MMP16: variants seen among roughly 807,000 people sequenced by gnomAD.
MMP16 encodes the protein matrix metallopeptidase 16, also known as matrix metalloproteinase-16.
In MMP16, 12 loss-of-function variants were observed where a neutral mutation model predicts 67.8. The ratio of observed to expected loss-of-function variants is 0.18; its 90% CI spans 0.11 to 0.29. The LOEUF (loss-of-function observed/expected upper bound fraction) is 0.29, where lower values mean the gene tolerates loss of function less well. Ranked by LOEUF, MMP16 falls within the 10% of genes least tolerant of loss-of-function variation. MMP16 has a pLI of 1.00. For synonymous variants in MMP16, 249 were observed against 255.9 expected (o/e 0.97, Z 0.26); for missense variants, 475 against 765.7 (o/e 0.62, Z 4.48).
At chr8:88,096,502 A>G (rs1286782374) in intron 6 of MMP16, among the ~76,000 whole-genome samples, 1 of 145,390 alleles carries the variant, frequency 6.9e-6, no homozygotes, top group African/African-American at 2.5e-5. Flanking sequence ...AAATTCTTCA[A>G]AGGATCACTG....
At chr8:88,063,299 T>C (rs917063793) in intron 7 of MMP16, among the ~76,000 whole-genome samples, 3 of 152,066 alleles carry the variant, frequency 2.0e-5, no homozygotes, top group African/African-American at 7.2e-5. Context: ...TGTCTGTTTA[T>C]TATGAGCCTA....
chr8:88,080,666 C>A (rs1808734153), intron 6 of MMP16, among the ~76,000 whole-genome samples: 1 of 152,086 alleles, frequency 6.6e-6, no homozygotes, highest in South Asian at 2.1e-4. Context: ...GAACTCCTGA[C>A]CTCAAGTGAT....
chr8:88,149,330 C>T (rs1391207950), intron 4 of MMP16, among the ~76,000 whole-genome samples: 2 of 152,146 alleles, frequency 1.3e-5, no homozygotes, highest in African/African-American at 2.4e-5. Flanking sequence ...ACAAAGCAGC[C>T]GGGAACCTCG....
chr8:88,044,958 A>G (rs1563516175), intron 9 of MMP16, among the ~76,000 whole-genome samples: 1 of 152,160 alleles, frequency 6.6e-6, no homozygotes, highest in East Asian at 1.9e-4. Flanking sequence ...TGACTTTATC[A>G]TGACTTCCTT....
chr8:88,302,379 T>A (rs1043944611), intron 1 of MMP16, among the ~76,000 whole-genome samples: 1 of 152,208 alleles, frequency 6.6e-6, no homozygotes, highest in Non-Finnish European at 1.5e-5. Flanking sequence ...CTCTTTGTTT[T>A]TCTCAGTCAC....
intron 1 of MMP16, among the ~76,000 whole-genome samples, chr8:88,262,846 C>CAAAAAAAAA (rs71277991): frequency 3.0e-4 from 16 of 53,470 alleles, no homozygotes; most frequent in East Asian, 9.3e-4. Flanking sequence ...ACTAAAAATA[C>CAAAAAAAAA]AAAAAAAAAA....
rs1811556097 is a variant in MMP16, at chr8:88,327,272, CTCCCTCGTT to C, written c.-75_-67del. 6.2e-7 allele frequency: 1 copy of C among 1,604,222 alleles called. No homozygotes were observed. Among genetic ancestry groups the C allele is most frequent in the African/African-American group, 1.3e-5 (1 of 74,646 alleles). ...TTTCTCCCTCTCTCCCTCTCCCTCC[CTCCCTCGTT>C]TCCTTTCAAAAAAAAGTCCTCCGGG... On this transcript the variant is annotated 5_prime_UTR_variant, in exon 1 of 10. Transcript: ENST00000286614.
chr8:88,250,271 A>G (rs79808846), intron 1 of MMP16, among the ~76,000 whole-genome samples: 3,672 of 152,132 alleles, frequency 0.024, 64 homozygotes, highest in Middle Eastern at 0.054. Context: ...AAACCCTAAA[A>G]ACTCCATATA....
intron 1 of MMP16, among the ~76,000 whole-genome samples, chr8:88,279,279 A>T (rs1810695771): frequency 1.3e-5 from 2 of 151,800 alleles, no homozygotes; most frequent in South Asian, 4.2e-4. Flanking sequence ...TAATATTTTT[A>T]TTGGTCATAT....
At chr8:88,137,151 C>A (rs554398155) in intron 4 of MMP16, among the ~76,000 whole-genome samples, 1 of 151,682 alleles carries the variant, frequency 6.6e-6, no homozygotes, top group African/African-American at 2.4e-5. Context: ...AATTTTCATA[C>A]GCTTATTTGT....
At chr8:88,277,769 A>G (rs538442491) in intron 1 of MMP16, among the ~76,000 whole-genome samples, 3 of 152,304 alleles carry the variant, frequency 2.0e-5, no homozygotes, top group African/African-American at 7.2e-5. Context: ...GCAAAGAATA[A>G]TTTTAGCACA....
At chr8:88,272,441 T>C (rs567146397) in intron 1 of MMP16, among the ~76,000 whole-genome samples, 1 of 152,348 alleles carries the variant, frequency 6.6e-6, no homozygotes, top group South Asian at 2.1e-4. Context: ...ATTTTGTTTC[T>C]GCTTCTCTAT....
intron 1 of MMP16, among the ~76,000 whole-genome samples, chr8:88,325,505 A>C (rs1811521855): frequency 1.3e-5 from 2 of 152,180 alleles, no homozygotes; most frequent in African/African-American, 4.8e-5. Flanking sequence ...TGTTTATAAC[A>C]TTATAAATAA....
chr8:88,055,337 A>G (rs973424056), intron 8 of MMP16, among the ~76,000 whole-genome samples: 5 of 152,080 alleles, frequency 3.3e-5, no homozygotes, highest in African/African-American at 1.2e-4. Context: ...CCTCCCAAGT[A>G]GCTGGAATTA....
intron 1 of MMP16, among the ~76,000 whole-genome samples, chr8:88,255,432 G>T (rs1306566040): frequency 6.6e-6 from 1 of 152,086 alleles, no homozygotes; most frequent in African/African-American, 2.4e-5. Flanking sequence ...GCCTCAGGTG[G>T]TATTTCTTTA....
chr8:88,300,381 T>C (rs1811078689), intron 1 of MMP16, among the ~76,000 whole-genome samples: 1 of 152,200 alleles, frequency 6.6e-6, no homozygotes, highest in South Asian at 2.1e-4. Flanking sequence ...ACATTTTAAA[T>C]CGTGCACCTT....
chr8:88,129,597 G>A (rs759783214), intron 4 of MMP16, among the ~76,000 whole-genome samples: 16 of 151,094 alleles, frequency 1.1e-4, no homozygotes, highest in Non-Finnish European at 2.1e-4. Flanking sequence ...AAAAAGAAAA[G>A]AAAAGGTTGT....
chr8:88,300,816 G>A (rs28986482), intron 1 of MMP16, among the ~76,000 whole-genome samples: 5 of 152,154 alleles, frequency 3.3e-5, no homozygotes, highest in East Asian at 3.9e-4. Flanking sequence ...CCAAGATTGA[G>A]GAAAGGCCCT....
At chr8:88,205,478 C>G (rs913500894) in intron 1 of MMP16, among the ~76,000 whole-genome samples, 9 of 152,198 alleles carry the variant, frequency 5.9e-5, no homozygotes, top group Admixed American at 1.3e-4. Flanking sequence ...TGCATATGTT[C>G]TGGGTATAAC....
Sources: gnomAD v4.1 joint callset for allele counts (sites outside exome capture counted in the v4.1 genomes callset) on GRCh38, gnomAD v4.1.1 for gene constraint, MANE v1.5 for transcripts, NCBI Gene and HGNC (gene_info 2026-07-23, HGNC 2026-07-21) for gene names.